APC: variants seen among roughly 807,000 people sequenced by gnomAD.
APC encodes the protein APC regulator of Wnt signaling pathway.
APC carries 72 observed loss-of-function variants against 247.0 expected under a neutral mutation model. That is an observed-to-expected ratio of 0.29 (90% CI 0.24 to 0.35). APC has a LOEUF of 0.35. APC is among the 10% of genes least tolerant of loss of function. The pLI is 1.00. For synonymous variants in APC, 1,254 were observed against 1,162.5 expected, an observed-to-expected ratio of 1.08 and a Z score of -1.60; for missense variants, 3,400 against 3,360.7, an observed-to-expected ratio of 1.01 and a Z score of -0.29.
intron 12 of APC, among the ~76,000 whole-genome samples, chr5:112,827,493 A>G (rs898593118): frequency 6.6e-6 from 1 of 152,234 alleles, no homozygotes; most frequent in Non-Finnish European, 1.5e-5. Context: ...AACACCATTC[A>G]TAAGAATATA....
chr5:112,714,753 A>G (rs11960936), intron 1 of APC, among the ~76,000 whole-genome samples: 5,506 of 152,262 alleles, frequency 0.036, 315 homozygotes, highest in African/African-American at 0.13. Flanking sequence ...TATCTCTTCT[A>G]TCATGCTTCA....
chr5:112,837,825 C>T lies in APC; in HGVS notation c.2231C>T (p.Ser744Phe), dbSNP rs1158819002. 28 of 1,613,992 alleles carry T rather than the reference C, an allele frequency of 1.7e-5. No individual in the cohort carries two copies. Among genetic ancestry groups the T allele is most frequent in the Non-Finnish European group, 2.2e-5 (26 of 1,180,018 alleles). The change falls in exon 16 of 16, where the codon TCT (serine) becomes TTT (phenylalanine). Residue 744 changes from serine (S) to phenylalanine (F), a missense_variant. Around this residue, in one of 9 missense-constraint regions of APC, gnomAD observed 91 missense variants for 103.3 expected, o/e 0.88. Transcript: ENST00000257430. ...AAGTACAAGGATGCCAATATTATGT[C>T]TCCTGGCTCAAGCTTGCCATCTCTT... Reference protein sequence around the residue: ...PAKYKDANIMSPGSSLPSLHV... With the variant: ...PAKYKDANIMFPGSSLPSLHV...
chr5:112,803,405 G>T (rs1208807053), intron 8 of APC, among the ~76,000 whole-genome samples: 1 of 152,134 alleles, frequency 6.6e-6, no homozygotes, highest in Non-Finnish European at 1.5e-5. Context: ...TAAATTATTA[G>T]TCAGCTGTAG....
At chr5:112,727,290 A>G (rs1413385366) in intron 1 of APC, among the ~76,000 whole-genome samples, 1 of 152,150 alleles carries the variant, frequency 6.6e-6, no homozygotes, top group Non-Finnish European at 1.5e-5. Context: ...TAAAAAATTC[A>G]GCATGTAGCA....
chr5:112,708,368 A>G (rs1750654398), intron 1 of APC, among the ~76,000 whole-genome samples: 1 of 152,228 alleles, frequency 6.6e-6, no homozygotes, highest in African/African-American at 2.4e-5. Flanking sequence ...AGTCCCCAGG[A>G]GCCTTGGATG....
At position 112,707,783 on chromosome 5, in the gene APC, C is replaced by T. The variant is rs1422300065; in HGVS notation, c.66C>T (p.Leu22=). Residue 22 remains leucine, a synonymous_variant, in exon 1 of 14, where the codon CTC becomes CTT. Coordinates refer to the APC transcript ENST00000507379. ...CCGCTTCTGTACCACCCTCAGTTCT[C>T]GGGTCCTGGAGCACCGGCGGCAGCA... The T allele has an allele frequency of 3.6e-6, 5 of 1,370,524 alleles. No homozygotes were observed. The highest frequency in any genetic ancestry group is 3.4e-5 in the East Asian group (1 of 29,414). 84.9% of individuals were successfully genotyped at this position (1,370,524 alleles called of 1,614,324 possible).
rs786203696 is a variant in APC at position 112,838,077 on chromosome 5, C to T, written c.2483C>T (p.Thr828Ile). Reference protein sequence around the residue: ...NMTVLSPYLNTTVLPSSSSSR... With the variant: ...NMTVLSPYLNITVLPSSSSSR... ...ACTGTCCTTTCACCATATTTGAATA[C>T]TACAGTGTTACCCAGCTCCTCTTCA... The change falls in exon 16 of 16, where the codon ACT becomes ATT. Residue 828 changes from threonine to isoleucine, a missense_variant. Physicochemically the swap from Thr to Ile is moderately conservative, Grantham distance 89. Transcript: ENST00000257430. The T allele has an allele frequency of 9.3e-6, 15 of 1,614,184 alleles. No homozygotes were observed. The highest frequency in any genetic ancestry group is 1.1e-5 in the Non-Finnish European group (13 of 1,180,036).
chr5:112,796,289 G>C (rs903717729), intron 7 of APC, among the ~76,000 whole-genome samples: 1 of 152,200 alleles, frequency 6.6e-6, no homozygotes, highest in Non-Finnish European at 1.5e-5. Flanking sequence ...CATTGAAGCA[G>C]GTTATTTGGA....
chr5:112,759,795 A>G (rs1462938755), intron 2 of APC, among the ~76,000 whole-genome samples: 1 of 152,250 alleles, frequency 6.6e-6, no homozygotes, highest in Non-Finnish European at 1.5e-5. Flanking sequence ...AAAATTACAT[A>G]TGTATTTAAA....
At chr5:112,818,880 G>A (rs1474221305) in intron 9 of APC, 86 bp from the exon 10 acceptor site, 2 of 1,016,620 alleles carry the variant, frequency 2.0e-6, no homozygotes, top group Non-Finnish European at 2.9e-6. Context: ...TAGAGTTATA[G>A]TAAATATCCC....
chr5:112,794,476 C>G (rs1293127688), intron 7 of APC, among the ~76,000 whole-genome samples: 1 of 152,160 alleles, frequency 6.6e-6, no homozygotes, highest in Non-Finnish European at 1.5e-5. Flanking sequence ...AATTTTGATC[C>G]TAACTACCCA....
rs543793836 is a variant in APC at position 112,714,838 on chromosome 5, A to G, written c.165+6956A>G. On this transcript the variant is annotated intron_variant, in intron 1 of 13. Transcript: ENST00000507379. ...TGCATTACTCTACCTTGTCTTAATT[A>G]TTGTATTCTTAATGTCTAAATGTCT... Among the ~76,000 whole-genome samples the G allele has an allele frequency of 2.6e-5, 4 of 152,204 alleles. No homozygotes were observed. In the South Asian group the frequency reaches 8.3e-4, roughly 32 times the overall value.
chr5:112,738,262 G>A, intron 1 of APC: 2 of 983,856 alleles, frequency 2.0e-6, no homozygotes, highest in Non-Finnish European at 2.4e-6. Flanking sequence ...CTAAGGAAAC[G>A]GGTAGAGGAC....
At chr5:112,818,335 T>C (rs1580524418) in intron 9 of APC, among the ~76,000 whole-genome samples, 1 of 152,242 alleles carries the variant, frequency 6.6e-6, no homozygotes, top group African/African-American at 2.4e-5. Flanking sequence ...GAGTAATTAG[T>C]ACTTACCAGT....
intron 7 of APC, 124 bp downstream of exon 7, chr5:112,792,653 C>T (rs1759759784): frequency 7.3e-6 from 5 of 688,206 alleles, no homozygotes; most frequent in East Asian, 3.2e-5. Context: ...ATTTAAATAC[C>T]GTAATTTTTT....
intron 1 of APC, among the ~76,000 whole-genome samples, chr5:112,720,115 G>A (rs1475021230): frequency 6.6e-6 from 1 of 152,170 alleles, no homozygotes; most frequent in Non-Finnish European, 1.5e-5. Flanking sequence ...TGATGGAGGA[G>A]TGTTAAAAAT....
At chr5:112,818,708 C>A (rs1409016548) in intron 9 of APC, among the ~76,000 whole-genome samples, 1 of 151,966 alleles carries the variant, frequency 6.6e-6, no homozygotes, top group South Asian at 2.1e-4. Context: ...ATGCAAAAAC[C>A]TACTTTTGCT....
chr5:112,752,885 G>GT (rs1432602831), intron 1 of APC, among the ~76,000 whole-genome samples: 1 of 152,038 alleles, frequency 6.6e-6, no homozygotes, highest in Non-Finnish European at 1.5e-5. Context: ...ATGATTAAAA[G>GT]TTTAATTGTT....
At chr5:112,709,246 G>A (rs1461227571) in intron 1 of APC, among the ~76,000 whole-genome samples, 1 of 152,154 alleles carries the variant, frequency 6.6e-6, no homozygotes, top group African/African-American at 2.4e-5. Flanking sequence ...TAAATAGCCT[G>A]GCAGATTTGT....
Sources: gnomAD v4.1 joint callset for allele counts (sites outside exome capture counted in the v4.1 genomes callset) on GRCh38, gnomAD v4.1.1 for gene constraint, gnomAD v4.1.1 regional missense constraint, MANE v1.5 for transcripts, NCBI Gene and HGNC (gene_info 2026-07-23, HGNC 2026-07-21) for gene names.